Variants in TENM3 observed in about 807,000 individuals in gnomAD.
TENM3 encodes teneurin-3.
TENM3 carries 63 observed loss-of-function variants against 255.1 expected under a neutral mutation model. The observed-to-expected ratio is 0.25, with a 90% confidence interval of 0.20 to 0.30. The LOEUF is 0.30. Ranked by LOEUF, TENM3 falls within the 10% of genes least tolerant of loss-of-function variation. The pLI is 1.00. For synonymous variants in TENM3, 1,306 were observed against 1,322.3 expected, an observed-to-expected ratio of 0.99 and a Z score of 0.27; for missense variants, 2,929 against 3,461.1, an observed-to-expected ratio of 0.85 and a Z score of 3.86.
intron 1 of TENM3, among the ~76,000 whole-genome samples, chr4:182,217,115 G>C (rs1311067077): frequency 7.2e-6 from 1 of 138,364 alleles, no homozygotes; most frequent in East Asian, 2.3e-4. Flanking sequence ...CTGCCTCCCA[G>C]GTTGAAGCCA....
At chr4:181,964,713 G>T in the TENM3 span, among the ~76,000 whole-genome samples, 18 of 152,206 alleles carry the variant, frequency 1.2e-4, no homozygotes, top group African/African-American at 4.3e-4. Flanking sequence ...ATCAACATGG[G>T]ACAAGTACCA....
At chr4:181,566,983 G>A in the TENM3 span, among the ~76,000 whole-genome samples, 1 of 152,150 alleles carries the variant, frequency 6.6e-6, no homozygotes. Context: ...TCCAAATAGG[G>A]TTCTGGCCTC....
chr4:182,525,381 G>A (rs771188248), intron 3 of TENM3, among the ~76,000 whole-genome samples: 2 of 152,226 alleles, frequency 1.3e-5, no homozygotes, highest in Admixed American at 6.5e-5. Flanking sequence ...CAGTTTTACA[G>A]ATTAGGATCC....
chr4:182,612,447 A>G (rs1749104718), intron 4 of TENM3, among the ~76,000 whole-genome samples: 1 of 152,108 alleles, frequency 6.6e-6, no homozygotes, highest in African/African-American at 2.4e-5. Context: ...GAACCTTCCA[A>G]CAGAAAGACT....
At chr4:182,266,491 T>C (rs554754713) in intron 1 of TENM3, among the ~76,000 whole-genome samples, 3 of 152,200 alleles carry the variant, frequency 2.0e-5, no homozygotes, top group Non-Finnish European at 4.4e-5. Context: ...AGCAGGTTTT[T>C]CTTAAAGCAT....
At chr4:182,671,960 C>T (rs1422097497) in intron 6 of TENM3, among the ~76,000 whole-genome samples, 1 of 152,170 alleles carries the variant, frequency 6.6e-6, no homozygotes, top group East Asian at 1.9e-4. Context: ...AAGTGATCCT[C>T]ACTCCTCACC....
chr4:182,487,558 C>T (rs1168228030), intron 3 of TENM3, among the ~76,000 whole-genome samples: 1 of 152,002 alleles, frequency 6.6e-6, no homozygotes, highest in Non-Finnish European at 1.5e-5. Context: ...TTTTGATGGG[C>T]CAGTGCAGTT....
the TENM3 span, among the ~76,000 whole-genome samples, chr4:182,016,721 C>T: frequency 1.3e-5 from 2 of 152,118 alleles, no homozygotes; most frequent in Non-Finnish European, 1.5e-5. Context: ...AAACTAATAA[C>T]GATTCCTTTA....
chr4:182,165,615 T>C (rs989503620), intron 1 of TENM3, among the ~76,000 whole-genome samples: 103 of 152,306 alleles, frequency 6.8e-4, no homozygotes, highest in African/African-American at 2.3e-3. Context: ...CAACTTTCCA[T>C]CAGGAACTCT....
the TENM3 span, among the ~76,000 whole-genome samples, chr4:181,879,305 A>G: frequency 1.3e-5 from 2 of 152,072 alleles, no homozygotes; most frequent in Non-Finnish European, 2.9e-5. Flanking sequence ...AAGTAGAGAG[A>G]GGGAGGGAGG....
the TENM3 span, among the ~76,000 whole-genome samples, chr4:182,025,532 A>C: frequency 6.6e-6 from 1 of 152,064 alleles, no homozygotes; most frequent in Admixed American, 6.5e-5. Context: ...TTGGGTATAC[A>C]CCCAGCAGTG....
intron 3 of TENM3, among the ~76,000 whole-genome samples, chr4:182,354,618 G>A (rs1047435719): frequency 6.6e-6 from 1 of 152,058 alleles, no homozygotes; most frequent in Admixed American, 6.5e-5. Flanking sequence ...TTTTATACAT[G>A]ATTATCTTGT....
upstream of TENM3, among the ~76,000 whole-genome samples, chr4:182,239,404 A>G (rs573426594): frequency 4.6e-5 from 7 of 152,228 alleles, no homozygotes; most frequent in East Asian, 3.9e-4. Context: ...AGTCCCTTAC[A>G]ATATTGAAAC....
chr4:182,745,674 T>C (rs893543389), intron 19 of TENM3, among the ~76,000 whole-genome samples: 1 of 152,130 alleles, frequency 6.6e-6, no homozygotes, highest in Admixed American at 6.5e-5. Context: ...TCTAAAAATA[T>C]GTTCTTTCCA....
At chr4:181,605,590 AAAG>A in the TENM3 span, among the ~76,000 whole-genome samples, 259 of 104,866 alleles carry the variant, frequency 2.5e-3, 21 homozygotes, top group Middle Eastern at 5.2e-3. Context: ...GAAAGGAAAG[AAAG>A]AAAGAAAGAA....
intron 18 of TENM3, among the ~76,000 whole-genome samples, chr4:182,739,181 C>T (rs1045936471): frequency 2.6e-5 from 4 of 151,952 alleles, no homozygotes; most frequent in Admixed American, 1.3e-4. Context: ...GAATCAAAAG[C>T]GTTCCTAGGA....
At chr4:181,748,739 G>A in the TENM3 span, among the ~76,000 whole-genome samples, 138,308 of 152,094 alleles carry the variant, frequency 0.91, 62,898 homozygotes, top group East Asian at 0.94. Context: ...TGTCATGTAG[G>A]GGAAGGCTGT....
chr4:181,869,543 A>G, the TENM3 span, among the ~76,000 whole-genome samples: 1 of 152,064 alleles, frequency 6.6e-6, no homozygotes, highest in Non-Finnish European at 1.5e-5. Context: ...GGATGGATAC[A>G]CCCTTCTCCA....
chr4:182,427,664 G>C (rs1771326028), intron 3 of TENM3, among the ~76,000 whole-genome samples: 1 of 152,052 alleles, frequency 6.6e-6, no homozygotes, highest in Non-Finnish European at 1.5e-5. Context: ...TAATACAGAG[G>C]TCAGTCTTGA....
Sources: allele counts gnomAD v4.1 joint callset (sites outside exome capture counted in the v4.1 genomes callset), GRCh38; gene constraint gnomAD v4.1.1; transcripts MANE v1.5; gene names NCBI Gene and HGNC (gene_info 2026-07-23, HGNC 2026-07-21).